Variants in KCNK4 observed in about 807,000 individuals in gnomAD.
KCNK4 encodes the protein potassium two pore domain channel subfamily K member 4.
KCNK4 carries 22 observed loss-of-function variants against 28.8 expected under a neutral mutation model. That is an observed-to-expected ratio of 0.76 (90% CI 0.55 to 1.09). KCNK4 has a LOEUF of 1.09. Ranked by LOEUF, KCNK4 falls within the 50% of genes least tolerant of loss-of-function variation. The pLI is 0.00. For missense variants in KCNK4, 483 were observed against 546.3 expected, an observed-to-expected ratio of 0.88 and a Z score of 1.15; for synonymous variants, 263 against 252.9, an observed-to-expected ratio of 1.04 and a Z score of -0.38.
At chr11:64,296,372 T>C (rs983429157) in intron 2 of KCNK4, among the ~76,000 whole-genome samples, 5 of 151,890 alleles carry the variant, frequency 3.3e-5, no homozygotes, top group African/African-American at 4.8e-5. Context: ...ATAGGTGCAA[T>C]GGGAGTGGTG....
intron 5 of KCNK4, 136 bp from the exon 6 acceptor site, chr11:64,297,974 C>T (rs1001570831): frequency 9.4e-7 from 1 of 1,058,282 alleles, no homozygotes; most frequent in Non-Finnish European, 1.3e-6. Context: ...CCTGCCTGCA[C>T]TCACACACTC....
intron 1 of KCNK4, 28 bp downstream of exon 1, chr11:64,291,594 C>G (rs968057084): frequency 1.3e-5 from 2 of 152,044 alleles, no homozygotes; most frequent in Non-Finnish European, 2.9e-5. Context: ...GCGCCGGCGG[C>G]GAGGGCGCTG....
intron 2 of KCNK4, among the ~76,000 whole-genome samples, chr11:64,295,110 C>T (rs1233915587): frequency 2.6e-5 from 4 of 152,206 alleles, no homozygotes; most frequent in African/African-American, 4.8e-5. Context: ...GTGTTATATG[C>T]CAAGGGGATA....
Position 64,296,953 on chromosome 11 carries a change from G to T in KCNK4, c.265G>T (p.Asp89Tyr). ...CAGCAACAGCAGCCACTCAGCCTGG[G>T]ACCTGGGCAGCGCCTTCTTTTTCTC... The part of the protein sequence containing the change: ...STSNSSHSAW[D>Y]LGSAFFFSGT... Residue 89 changes from aspartate (D) to tyrosine (Y), a missense_variant, in exon 3 of 7, where the codon GAC becomes TAC. Transcript: ENST00000422670. The T allele has an allele frequency of 6.6e-7, 1 of 1,520,072 alleles. No individual in the cohort carries two copies. The highest frequency in any genetic ancestry group is 8.8e-7 in the Non-Finnish European group (1 of 1,135,340). 94.2% of individuals were successfully genotyped at this position (1,520,072 alleles called of 1,614,324 possible). A position where few individuals can be genotyped will look rare whatever the true frequency, so the allele number is the denominator to read the frequency against.
intron 6 of KCNK4, 103 bp from the exon 7 acceptor site, chr11:64,299,243 A>C: frequency 1.8e-6 from 2 of 1,104,226 alleles, no homozygotes; most frequent in Non-Finnish European, 1.2e-6. Flanking sequence ...CAGGCAGAAA[A>C]GAGGGTTGGG....
At position 64,299,574 on chromosome 11, in the gene KCNK4, C is replaced by A. The variant is rs1321226094; in HGVS notation, c.1030C>A (p.Leu344Met). 8 of 1,610,770 alleles carry A rather than the reference C, an allele frequency of 5.0e-6. No homozygotes were observed. Among genetic ancestry groups the A allele is most frequent in the Non-Finnish European group, 6.8e-6 (8 of 1,179,098 alleles). Residue 344 changes from leucine (L) to methionine (M), a missense_variant, in exon 7 of 7, where the codon CTG (leucine) becomes ATG (methionine). By Grantham distance (15) the Leu-to-Met change is conservative. Transcript: ENST00000422670. ...ASALDYPSENLAFIDESSDTQ... is the reference protein window; with the variant it reads ...ASALDYPSENMAFIDESSDTQ... Reference sequence around the variant, plus strand: ...GGCCCTGGATTATCCCAGCGAGAACCTGGCCTTCATCGACGAGTCCTCGGA... The same window carrying A: ...GGCCCTGGATTATCCCAGCGAGAACATGGCCTTCATCGACGAGTCCTCGGA...
At chr11:64,295,338 G>C (rs1047130054) in intron 2 of KCNK4, among the ~76,000 whole-genome samples, 1 of 152,164 alleles carries the variant, frequency 6.6e-6, no homozygotes, top group East Asian at 1.9e-4. Context: ...TACACCAGGC[G>C]AGAGGGGTAG....
Position 64,299,598 on chromosome 11 carries a change from G to A in KCNK4, c.1054G>A (p.Asp352Asn). The A allele has an allele frequency of 6.2e-7, 1 of 1,609,908 alleles. No homozygotes were observed. Among genetic ancestry groups the A allele is most frequent in the Non-Finnish European group, 8.5e-7 (1 of 1,178,684 alleles). The change falls in exon 7 of 7, where the codon GAT (aspartate) becomes AAT (asparagine). Residue 352 changes from aspartate to asparagine, a missense_variant. Physicochemically the swap from Asp to Asn is conservative, Grantham distance 23. Coordinates refer to ENST00000422670, the MANE Select transcript of KCNK4 (RefSeq NM_033310.3). Reference protein sequence around the residue: ...ENLAFIDESSDTQSERGCPLP... With the variant: ...ENLAFIDESSNTQSERGCPLP... ...CCTGGCCTTCATCGACGAGTCCTCG[G>A]ATACGCAGAGCGAGCGCGGCTGCCC...
At position 64,293,396 on chromosome 11, in the gene KCNK4, T is replaced by G. The variant is rs186702668; in HGVS notation, c.189+189T>G. 2.0e-5 allele frequency among the ~76,000 whole-genome samples: 3 copies of G among 152,224 alleles called. No homozygotes were observed. In the East Asian group the frequency reaches 5.8e-4, roughly 29 times the overall value. ...TCAATAGGGCAACTGTGGGGTCATT[T>G]GTTTTCCTGGAGAGCCTGGCACAGG... On this transcript the variant is annotated intron_variant, in intron 2 of 6. Coordinates refer to ENST00000422670, the MANE Select transcript of KCNK4 (RefSeq NM_033310.3).
Position 64,291,363 on chromosome 11 carries a change from C to G in KCNK4, c.-281C>G, listed in dbSNP as rs1014541315. The stretch of plus-strand genomic sequence containing the variant: ...GGAGAGTTGCGGACCCTTCCCGATC[C>G]GGTAATGGGCCTGGGAGATGCCAGA... On this transcript the variant is annotated 5_prime_UTR_variant, in exon 1 of 7. Coordinates refer to ENST00000422670, the MANE Select transcript of KCNK4 (RefSeq NM_033310.3). 5.3e-4 allele frequency: 81 copies of G among 152,496 alleles called. No individual in the cohort carries two copies. Among genetic ancestry groups the G allele is most frequent in the African/African-American group, 1.7e-3 (69 of 41,594 alleles). 9.4% of individuals were successfully genotyped at this position (152,496 alleles called of 1,614,324 possible).
At chr11:64,292,895 G>T (rs1418071726) in intron 1 of KCNK4, 47 bp from the exon 2 acceptor site, 1 of 1,428,874 alleles carries the variant, frequency 7.0e-7, no homozygotes, top group East Asian at 2.6e-5. Flanking sequence ...GAGGGTGTGG[G>T]TGTCAGGCCA....
Position 64,296,986 on chromosome 11 carries a change from A to G in KCNK4, c.298A>G (p.Ile100Val), listed in dbSNP as rs1200079839. The part of the protein sequence containing the change: ...LGSAFFFSGT[I>V]ITTIGYGNVA... ...CAGCGCCTTCTTTTTCTCAGGGACCATCATCACCACCATCGGTGGGGGAGG... is the reference window on the plus strand; with the variant it reads ...CAGCGCCTTCTTTTTCTCAGGGACCGTCATCACCACCATCGGTGGGGGAGG... Residue 100 changes from isoleucine (I) to valine (V), a missense_variant, in exon 3 of 7, where the codon ATC becomes GTC. By Grantham distance (29) the Ile-to-Val change is conservative. Transcript: ENST00000422670. 1 of 1,534,412 alleles carries G rather than the reference A, an allele frequency of 6.5e-7. No individual in the cohort carries two copies. The highest frequency in any genetic ancestry group is 8.8e-7 in the Non-Finnish European group (1 of 1,141,576).
Position 64,292,996 on chromosome 11 carries a change from C to T in KCNK4, c.-23C>T, listed in dbSNP as rs1270202309. On this transcript the variant is annotated 5_prime_UTR_variant, in exon 2 of 7. Coordinates refer to ENST00000422670, the MANE Select transcript of KCNK4 (RefSeq NM_033310.3). ...CGGCCCCTCCAGGCGGGCAGTGGAGCTGGCCCGGCGCCTGGGCGCGCCATG... is the reference window on the plus strand; with the variant it reads ...CGGCCCCTCCAGGCGGGCAGTGGAGTTGGCCCGGCGCCTGGGCGCGCCATG... 2.0e-6 allele frequency: 3 copies of T among 1,529,380 alleles called. No individual in the cohort carries two copies. In the Admixed American group the frequency reaches 6.2e-5, roughly 32 times the overall value. 94.7% of individuals were successfully genotyped at this position (1,529,380 alleles called of 1,614,324 possible).
chr11:64,294,845 G>A (rs2034726688), intron 2 of KCNK4, among the ~76,000 whole-genome samples: 1 of 150,456 alleles, frequency 6.6e-6, no homozygotes, highest in Non-Finnish European at 1.5e-5. Flanking sequence ...AATGCCAGTG[G>A]AGGCTCAGAG....
rs2034852719 is a variant in KCNK4 at position 64,299,066 on chromosome 11, A to C, written c.802-280A>C. 4.0e-5 allele frequency among the ~76,000 whole-genome samples: 6 copies of C among 151,548 alleles called. No homozygotes were observed. The South Asian group carries it at 1.3e-3, about 32-fold the overall frequency. ...AAAAAAGAAGAAAAAAAAAAAAAAA[A>C]AAAAAAAGCATGTCCCAAATATTGC... On this transcript the variant is annotated intron_variant, in intron 6 of 6. Coordinates refer to ENST00000422670, the MANE Select transcript of KCNK4 (RefSeq NM_033310.3).
chr11:64,297,139 C>T lies in KCNK4; in HGVS notation c.334C>T (p.Arg112Cys), dbSNP rs760591980. The T allele has an allele frequency of 1.7e-5, 27 of 1,614,066 alleles. No individual in the cohort carries two copies. Among genetic ancestry groups the T allele is most frequent in the South Asian group, 8.8e-5 (8 of 91,090 alleles). ...TTIGYGNVAL[R>C]TDAGRLFCIF... ...CCCAGGCTATGGCAATGTGGCCCTG[C>T]GCACAGATGCCGGGCGCCTCTTCTG... Residue 112 changes from arginine (R) to cysteine (C), a missense_variant, in exon 4 of 7, where the codon CGC becomes TGC. By Grantham distance (180) the Arg-to-Cys change is radical. Coordinates refer to ENST00000422670, the MANE Select transcript of KCNK4 (RefSeq NM_033310.3).
chr11:64,293,208 G>A lies in KCNK4; in HGVS notation c.189+1G>A. On this transcript the variant is annotated splice_donor_variant, in intron 2 of 6. Coordinates refer to ENST00000422670, the MANE Select transcript of KCNK4 (RefSeq NM_033310.3). LOFTEE classifies it high-confidence loss of function. ...CCAGGAGCTGGGCCTCCTCATCAAG[G>A]TGCGTGGGTGGGCCGCAGCCCCTTC... 6.9e-7 allele frequency: 1 copy of A among 1,451,458 alleles called. No individual in the cohort carries two copies. The highest frequency in any genetic ancestry group is 9.1e-7 in the Non-Finnish European group (1 of 1,095,394). The allele number at this position is 1,451,458 out of a possible 1,614,324, so 89.9% of individuals were successfully genotyped here.
At position 64,296,952 on chromosome 11, in the gene KCNK4, G is replaced by A. The variant is rs1197665953; in HGVS notation, c.264G>A (p.Trp88Ter). ...CCAGCAACAGCAGCCACTCAGCCTG[G>A]GACCTGGGCAGCGCCTTCTTTTTCT... ...NSTSNSSHSA[W>*]DLGSAFFFSG... Residue 88 changes from tryptophan to a stop codon, truncating the protein, a stop_gained, in exon 3 of 7, where the codon TGG becomes TGA. Transcript: ENST00000422670. LOFTEE classifies it high-confidence loss of function. The A allele has an allele frequency of 4.0e-6, 6 of 1,517,206 alleles. No homozygotes were observed. Among genetic ancestry groups the A allele is most frequent in the Admixed American group, 2.3e-5 (1 of 44,318 alleles). 94.0% of individuals were successfully genotyped at this position (1,517,206 alleles called of 1,614,324 possible). A position where few individuals can be genotyped will look rare whatever the true frequency, so the allele number is the denominator to read the frequency against.
intron 2 of KCNK4, among the ~76,000 whole-genome samples, chr11:64,296,306 G>A (rs2034763422): frequency 6.6e-6 from 1 of 152,076 alleles, no homozygotes; most frequent in Admixed American, 6.6e-5. Flanking sequence ...TTCCTGGAGA[G>A]AAAGTCCCTA....
Sources: gnomAD v4.1 joint callset for allele counts (sites outside exome capture counted in the v4.1 genomes callset) on GRCh38, gnomAD v4.1.1 for gene constraint, MANE v1.5 for transcripts, NCBI Gene and HGNC (gene_info 2026-07-23, HGNC 2026-07-21) for gene names.